Variants in KANSL1 observed in about 807,000 individuals in gnomAD.
KANSL1 encodes the protein MLL1/MLL complex subunit KANSL1.
Under a neutral mutation model 103.6 loss-of-function variants are expected in KANSL1, and 22 were observed. That is an observed-to-expected ratio of 0.21 (90% CI 0.15 to 0.30). The LOEUF (loss-of-function observed/expected upper bound fraction) is 0.30, where lower values mean the gene tolerates loss of function less well. Among genes scored for constraint, KANSL1 ranks in the 10% least tolerant of loss-of-function variants. KANSL1 has a pLI of 1.00. For missense variants in KANSL1, 1,337 were observed against 1,399.8 expected, an observed-to-expected ratio of 0.96 and a Z score of 0.72; for synonymous variants, 600 against 527.6, an observed-to-expected ratio of 1.14 and a Z score of -1.88.
intron 14 of KANSL1, 82 bp from the exon 15 acceptor site, chr17:46,031,785 G>T: frequency 7.5e-7 from 1 of 1,335,206 alleles, no homozygotes; most frequent in Non-Finnish European, 1.0e-6. Context: ...CAAACCTTGT[G>T]GCCTGGAGCC....
chr17:46,139,083 C>T (rs2044291985), intron 2 of KANSL1, among the ~76,000 whole-genome samples: 1 of 152,190 alleles, frequency 6.6e-6, no homozygotes, highest in South Asian at 2.1e-4. Context: ...AAAAGGAAGG[C>T]AGAAAAATGG....
chr17:46,115,853 C>G (rs1567692546), intron 2 of KANSL1, among the ~76,000 whole-genome samples: 1 of 152,226 alleles, frequency 6.6e-6, no homozygotes, highest in Non-Finnish European at 1.5e-5. Context: ...AATGCTTAAG[C>G]TGCATACAGA....
intron 2 of KANSL1, among the ~76,000 whole-genome samples, chr17:46,111,271 C>T (rs778017557): frequency 1.2e-4 from 19 of 152,092 alleles, no homozygotes; most frequent in South Asian, 2.1e-4. Context: ...AGTGCGATGG[C>T]GTGATCTCGG....
chr17:46,224,285 G>C (rs1218845592), upstream of KANSL1, among the ~76,000 whole-genome samples: 1 of 152,160 alleles, frequency 6.6e-6, no homozygotes, highest in Non-Finnish European at 1.5e-5. Flanking sequence ...ACAAATAAAA[G>C]ACCCTTCTTC....
At chr17:46,116,965 A>G (rs530738809) in intron 2 of KANSL1, among the ~76,000 whole-genome samples, 2 of 152,372 alleles carry the variant, frequency 1.3e-5, no homozygotes, top group African/African-American at 4.8e-5. Context: ...TGAAAATTAC[A>G]TTTTTAGAAA....
chr17:46,172,265 T>C, intron 1 of KANSL1, 33 bp from the exon 2 acceptor site: 1 of 946,822 alleles, frequency 1.1e-6, no homozygotes, highest in Non-Finnish European at 1.5e-6. Flanking sequence ...ATATTAGAAA[T>C]ACAAGCACTT....
chr17:46,196,352 G>C (rs2047608327), upstream of KANSL1: 1 of 456,204 alleles, frequency 2.2e-6, no homozygotes, highest in South Asian at 1.5e-5. Context: ...CATTCTCTTT[G>C]CCAATGATTG....
At chr17:46,208,781 A>T (rs1392523024) in intron 1 of KANSL1, among the ~76,000 whole-genome samples, 2 of 149,266 alleles carry the variant, frequency 1.3e-5, no homozygotes, top group Non-Finnish European at 3.0e-5. Flanking sequence ...AGGAACCTGG[A>T]GGCGGAGGTT....
chr17:46,105,929 ACACACACACACACACACACC>A (rs1428505727), intron 2 of KANSL1, among the ~76,000 whole-genome samples: 7 of 106,074 alleles, frequency 6.6e-5, no homozygotes, highest in South Asian at 3.0e-4. Flanking sequence ...ACACACACAC[ACACACACACACACACACACC>A]CCCCCAGAAG....
chr17:46,068,410 AT>A (rs1396337096), intron 4 of KANSL1, among the ~76,000 whole-genome samples: 1 of 152,054 alleles, frequency 6.6e-6, no homozygotes, highest in African/African-American at 2.4e-5. Flanking sequence ...CAACAAAAAA[AT>A]ACAAAATTAG....
At chr17:46,084,247 T>C (rs1475763396) in intron 3 of KANSL1, among the ~76,000 whole-genome samples, 1 of 152,086 alleles carries the variant, frequency 6.6e-6, no homozygotes, top group Admixed American at 6.6e-5. Context: ...CCAGGCGTCG[T>C]GGCACATGCC....
chr17:46,100,444 CAAAAA>C (rs369274727), intron 2 of KANSL1, among the ~76,000 whole-genome samples: 1 of 88,258 alleles, frequency 1.1e-5, no homozygotes, highest in Non-Finnish European at 2.4e-5. Context: ...TCCCTCTCCC[CAAAAA>C]AAAAAAAAAA....
At chr17:46,057,411 G>A (rs2077972548) in intron 6 of KANSL1, among the ~76,000 whole-genome samples, 1 of 151,980 alleles carries the variant, frequency 6.6e-6, no homozygotes, top group African/African-American at 2.4e-5. Context: ...TAAACAAATA[G>A]TTGAAAAGGA....
In KANSL1 at chr17:46,172,060, G is replaced by A. The variant is rs755321759; in HGVS notation, c.84C>T (p.Thr28=). 5 of 1,614,106 alleles carry A rather than the reference G, an allele frequency of 3.1e-6. No individual in the cohort carries two copies. Among genetic ancestry groups the A allele is most frequent in the East Asian group, 4.5e-5 (2 of 44,884 alleles). The change falls in exon 2 of 15, where the codon ACC becomes ACT. Residue 28 remains threonine, a synonymous_variant. Coordinates refer to ENST00000432791, the MANE Select transcript of KANSL1 (RefSeq NM_015443.4). ...TATTTTCGGCACTGCCAGGGGACAA[G>A]GTAGAGGATGGGGGAGCCAGTTTGA... ...IRFKLAPPSS[T]LSPGSAENNG...
chr17:46,218,858 C>T (rs2429449), intron 1 of KANSL1, among the ~76,000 whole-genome samples: 16,616 of 149,666 alleles, frequency 0.11, no homozygotes, highest in Middle Eastern at 0.17. Flanking sequence ...ATGTCCTTTA[C>T]AGATATAATA....
intron 2 of KANSL1, among the ~76,000 whole-genome samples, chr17:46,166,199 G>A (rs1008784319): frequency 2.4e-5 from 3 of 124,408 alleles, no homozygotes; most frequent in African/African-American, 8.3e-5. Context: ...GGGCGACAGA[G>A]TGAGACTCTG....
intron 2 of KANSL1, among the ~76,000 whole-genome samples, chr17:46,144,321 A>T (rs1262745872): frequency 7.9e-5 from 12 of 152,348 alleles, no homozygotes; most frequent in Middle Eastern, 3.4e-3. Context: ...ATAGAAAAAG[A>T]AATTCCAGAT....
intron 6 of KANSL1, among the ~76,000 whole-genome samples, chr17:46,053,279 G>A (rs145989915): frequency 0.028 from 4,304 of 151,494 alleles, 214 homozygotes; most frequent in African/African-American, 0.099. Context: ...GCAAAACTCC[G>A]TCTCCAAAAA....
At chr17:46,095,412 A>G (rs1377514108) in intron 2 of KANSL1, among the ~76,000 whole-genome samples, 1 of 152,238 alleles carries the variant, frequency 6.6e-6, no homozygotes, top group Non-Finnish European at 1.5e-5. Flanking sequence ...CCAGACAGCC[A>G]GATTTGCTGC....
Sources: allele counts gnomAD v4.1 joint callset (sites outside exome capture counted in the v4.1 genomes callset), GRCh38; gene constraint gnomAD v4.1.1; transcripts MANE v1.5; gene names NCBI Gene and HGNC (gene_info 2026-07-23, HGNC 2026-07-21).